KCNIP4: variants seen among roughly 807,000 people sequenced by gnomAD.
KCNIP4 encodes potassium voltage-gated channel interacting protein 4.
KCNIP4 carries 12 observed loss-of-function variants against 34.0 expected under a neutral mutation model. The observed-to-expected ratio is 0.35, with a 90% CI of 0.23 to 0.57. KCNIP4 has a LOEUF of 0.57. Among genes scored for constraint, KCNIP4 ranks in the 20% least tolerant of loss-of-function variants. KCNIP4 has a pLI of 0.83. For missense variants in KCNIP4, 238 were observed against 311.7 expected, an observed-to-expected ratio of 0.76 and a Z score of 1.78; for synonymous variants, 124 against 102.2, an observed-to-expected ratio of 1.21 and a Z score of -1.29.
At chr4:21,732,189 TA>T (rs1459480462) in intron 1 of KCNIP4, among the ~76,000 whole-genome samples, 2 of 152,066 alleles carry the variant, frequency 1.3e-5, no homozygotes, top group Admixed American at 1.3e-4. Context: ...AATCTACTAG[TA>T]AAAATAATTA....
chr4:21,677,895 A>G (rs894533778), intron 1 of KCNIP4, among the ~76,000 whole-genome samples: 2 of 152,140 alleles, frequency 1.3e-5, no homozygotes, highest in African/African-American at 4.8e-5. Context: ...GACTACAGCC[A>G]TGAGTCACCA....
At chr4:20,883,253 T>G (rs1037873319) in intron 1 of KCNIP4, among the ~76,000 whole-genome samples, 16 of 152,174 alleles carry the variant, frequency 1.1e-4, no homozygotes, top group African/African-American at 3.9e-4. Context: ...AATATGCAGC[T>G]TCATTAGCAT....
At chr4:21,920,189 C>T (rs1219256880) in intron 1 of KCNIP4, among the ~76,000 whole-genome samples, 3 of 152,142 alleles carry the variant, frequency 2.0e-5, no homozygotes, top group African/African-American at 7.2e-5. Flanking sequence ...AGGGTCAAAT[C>T]ATACCAAAAT....
intron 1 of KCNIP4, among the ~76,000 whole-genome samples, chr4:21,116,429 A>G (rs1045070742): frequency 1.3e-5 from 2 of 152,174 alleles, no homozygotes; most frequent in African/African-American, 4.8e-5. Flanking sequence ...GGCAGAGATC[A>G]TCGTTCTTAC....
intron 1 of KCNIP4, among the ~76,000 whole-genome samples, chr4:21,468,493 C>G (rs1392799029): frequency 6.6e-6 from 1 of 152,160 alleles, no homozygotes; most frequent in East Asian, 1.9e-4. Flanking sequence ...GCGGCGGACC[C>G]AAGTTCGCTT....
intron 1 of KCNIP4, among the ~76,000 whole-genome samples, chr4:21,514,400 C>G (rs1019187152): frequency 6.6e-6 from 1 of 152,066 alleles, no homozygotes; most frequent in Non-Finnish European, 1.5e-5. Flanking sequence ...CAACACAGCA[C>G]ACAGAGGAAA....
At chr4:21,115,159 C>T (rs1244010855) in intron 1 of KCNIP4, among the ~76,000 whole-genome samples, 3 of 152,260 alleles carry the variant, frequency 2.0e-5, no homozygotes, top group Middle Eastern at 3.4e-3. Flanking sequence ...GTCTCTCCTT[C>T]CCATAATCCC....
chr4:21,443,342 G>C (rs1468326658), intron 1 of KCNIP4, among the ~76,000 whole-genome samples: 2 of 152,118 alleles, frequency 1.3e-5, no homozygotes, highest in Non-Finnish European at 2.9e-5. Flanking sequence ...TCCCAGATAA[G>C]TGCATGGCTT....
rs1316365017 is a variant in KCNIP4 at position 21,159,309 on chromosome 4, T to A, written c.62-276600A>T. Reference sequence around the variant, plus strand: ...GAAATGGACCCATGAATATGTAGAATATTGATTTTTAATAATGCTATAGGC... The same window carrying A: ...GAAATGGACCCATGAATATGTAGAAAATTGATTTTTAATAATGCTATAGGC... On this transcript the variant is annotated intron_variant, in intron 1 of 8. Coordinates refer to ENST00000382152, the MANE Select transcript of KCNIP4 (RefSeq NM_025221.6). Among the ~76,000 whole-genome samples, 3 of 152,194 alleles carry A rather than the reference T, an allele frequency of 2.0e-5. 1 individual carries two copies. Among genetic ancestry groups the A allele is most frequent in the Non-Finnish European group, 4.4e-5 (3 of 68,034 alleles).
At chr4:20,811,672 A>G (rs1387363947) in intron 3 of KCNIP4, among the ~76,000 whole-genome samples, 2 of 152,256 alleles carry the variant, frequency 1.3e-5, no homozygotes, top group African/African-American at 4.8e-5. Flanking sequence ...TTTGAGAAGT[A>G]TAACTCTGGT....
intron 1 of KCNIP4, among the ~76,000 whole-genome samples, chr4:21,540,818 C>T (rs886432170): frequency 6.6e-6 from 1 of 152,164 alleles, no homozygotes; most frequent in East Asian, 1.9e-4. Flanking sequence ...TTCAGTCCTT[C>T]TTTTGAGGCC....
At chr4:20,809,429 T>C (rs1224354132) in intron 3 of KCNIP4, among the ~76,000 whole-genome samples, 1 of 152,164 alleles carries the variant, frequency 6.6e-6, no homozygotes, top group Non-Finnish European at 1.5e-5. Flanking sequence ...CGAGAGGTCA[T>C]AACACACGAT....
At chr4:21,470,910 A>G (rs1730413095) in intron 1 of KCNIP4, among the ~76,000 whole-genome samples, 1 of 152,208 alleles carries the variant, frequency 6.6e-6, no homozygotes, top group African/African-American at 2.4e-5. Flanking sequence ...AGTTTGGATC[A>G]GCAGCCAGGA....
At chr4:21,327,990 A>C (rs1715263732) in intron 1 of KCNIP4, among the ~76,000 whole-genome samples, 1 of 152,052 alleles carries the variant, frequency 6.6e-6, no homozygotes, top group Non-Finnish European at 1.5e-5. Flanking sequence ...GTGTTTCCTC[A>C]AGACAGCTAT....
intron 2 of KCNIP4, among the ~76,000 whole-genome samples, chr4:20,876,213 A>G (rs1476496150): frequency 6.6e-6 from 1 of 152,158 alleles, no homozygotes; most frequent in Non-Finnish European, 1.5e-5. Flanking sequence ...TGAATGTTTT[A>G]TCTTTTGTAT....
chr4:21,182,851 T>C (rs185096836), intron 1 of KCNIP4, among the ~76,000 whole-genome samples: 10 of 152,130 alleles, frequency 6.6e-5, no homozygotes, highest in Admixed American at 4.6e-4. Flanking sequence ...AATTTACATA[T>C]GCATGCTCTC....
At chr4:21,792,617 G>A (rs1018092724) in intron 1 of KCNIP4, among the ~76,000 whole-genome samples, 5 of 152,180 alleles carry the variant, frequency 3.3e-5, no homozygotes, top group African/African-American at 9.7e-5. Context: ...GGTGGAGGTC[G>A]GAGGAAGTTT....
intron 1 of KCNIP4, among the ~76,000 whole-genome samples, chr4:21,622,917 C>T (rs1910525): frequency 0.27 from 41,313 of 151,900 alleles, 5,904 homozygotes; most frequent in Non-Finnish European, 0.32. Flanking sequence ...AACTTAATAA[C>T]TGGGAAGATT....
At chr4:21,615,772 C>T (rs1344590355) in intron 1 of KCNIP4, among the ~76,000 whole-genome samples, 1 of 152,058 alleles carries the variant, frequency 6.6e-6, no homozygotes, top group African/African-American at 2.4e-5. Context: ...TTCTTTACTC[C>T]TCTTGTTCTC....
Sources: allele counts gnomAD v4.1 joint callset (sites outside exome capture counted in the v4.1 genomes callset), GRCh38; gene constraint gnomAD v4.1.1; transcripts MANE v1.5; gene names NCBI Gene and HGNC (gene_info 2026-07-23, HGNC 2026-07-21).